Variants in FBXL5 observed in about 807,000 individuals in gnomAD.
FBXL5 encodes F-box and leucine rich repeat protein 5.
In FBXL5, 26 loss-of-function variants were observed where a neutral mutation model predicts 78.3. The ratio of observed to expected loss-of-function variants is 0.33; its 90% CI spans 0.24 to 0.46. FBXL5 has a LOEUF of 0.46. Among genes scored for constraint, FBXL5 ranks in the 20% least tolerant of loss-of-function variants. The pLI, the probability that FBXL5 is intolerant of heterozygous loss-of-function variation, is 1.00. For synonymous variants in FBXL5, 295 were observed against 282.5 expected (o/e 1.04, Z -0.45); for missense variants, 710 against 829.2 (o/e 0.86, Z 1.77).
intron 5 of FBXL5, among the ~76,000 whole-genome samples, chr4:15,635,359 T>A (rs1482529045): frequency 6.6e-6 from 1 of 151,978 alleles, no homozygotes; most frequent in African/African-American, 2.4e-5. Context: ...TATACATTAT[T>A]ATAATGAATA....
At chr4:15,671,438 G>A (rs1479800516) in intron 1 of FBXL5, among the ~76,000 whole-genome samples, 1 of 151,488 alleles carries the variant, frequency 6.6e-6, no homozygotes, top group South Asian at 2.1e-4. Flanking sequence ...GGTGTACTCT[G>A]GTTTGGGTTT....
At chr4:15,607,271 T>C (rs932395321) in intron 10 of FBXL5, among the ~76,000 whole-genome samples, 1 of 152,204 alleles carries the variant, frequency 6.6e-6, no homozygotes, top group African/African-American at 2.4e-5. Flanking sequence ...TATTATTCGA[T>C]GTTAAATTTT....
At chr4:15,664,396 A>T (rs959577289), upstream of FBXL5, among the ~76,000 whole-genome samples, 6 of 152,010 alleles carry the variant, frequency 3.9e-5, no homozygotes, top group African/African-American at 1.5e-4. Context: ...GTTAAATCAT[A>T]TTGGCACACT....
chr4:15,664,439 T>C (rs546079975), upstream of FBXL5, among the ~76,000 whole-genome samples: 18 of 152,236 alleles, frequency 1.2e-4, no homozygotes, highest in Non-Finnish European at 2.4e-4. Context: ...GGCACTCTTA[T>C]GTGTCATCTG....
intron 5 of FBXL5, among the ~76,000 whole-genome samples, chr4:15,632,075 C>G (rs902400351): frequency 6.6e-6 from 1 of 152,156 alleles, no homozygotes; most frequent in Non-Finnish European, 1.5e-5. Flanking sequence ...TTTAATCCAT[C>G]TTGAATTAAT....
chr4:15,614,531 C>T (rs1711572596), intron 9 of FBXL5, among the ~76,000 whole-genome samples: 1 of 152,098 alleles, frequency 6.6e-6, no homozygotes, highest in African/African-American at 2.4e-5. Flanking sequence ...CCATAGAGCT[C>T]CCAAGAGATT....
At chr4:15,617,159 T>C (rs1472250753) in intron 9 of FBXL5, among the ~76,000 whole-genome samples, 1 of 152,186 alleles carries the variant, frequency 6.6e-6, no homozygotes, top group Non-Finnish European at 1.5e-5. Flanking sequence ...TAAAGACATA[T>C]GCATGCCTAT....
intron 3 of FBXL5, among the ~76,000 whole-genome samples, chr4:15,639,158 C>G (rs1454812995): frequency 6.6e-6 from 1 of 152,206 alleles, no homozygotes; most frequent in Non-Finnish European, 1.5e-5. Context: ...GAGCGAAACT[C>G]TGTCTCCAGA....
At chr4:15,607,484 C>T (rs1294950231) in intron 10 of FBXL5, among the ~76,000 whole-genome samples, 1 of 152,056 alleles carries the variant, frequency 6.6e-6, no homozygotes, top group Non-Finnish European at 1.5e-5. Context: ...ATCACAAACT[C>T]AAGATAAAAT....
chr4:15,620,426 C>A (rs1712363722), intron 9 of FBXL5, among the ~76,000 whole-genome samples: 1 of 152,118 alleles, frequency 6.6e-6, no homozygotes, highest in Non-Finnish European at 1.5e-5. Context: ...ATAGAAAAAA[C>A]CGACCCTAAA....
In FBXL5 at chr4:15,638,696, T is replaced by TCCTCTTCCTCTTTCATGTG. The variant is rs769842281; in HGVS notation, c.397-3_397-2insCACATGAAAGAGGAAGAGG. Reference sequence around the variant, plus strand: ...TTCCATTAACATGGGCTGAAAAACCTAAATTAAACAAAATATTCACGAGGA... The same window carrying TCCTCTTCCTCTTTCATGTG: ...TTCCATTAACATGGGCTGAAAAACCTCCTCTTCCTCTTTCATGTGAAATTAAACAAAATATTCACGAGGA... On this transcript the variant is annotated splice_region_variant and splice_polypyrimidine_tract_variant and intron_variant, in intron 3 of 10. Coordinates refer to ENST00000341285, the MANE Select transcript of FBXL5 (RefSeq NM_012161.4). 3 of 1,566,850 alleles carry TCCTCTTCCTCTTTCATGTG rather than the reference T, an allele frequency of 1.9e-6. No individual in the cohort carries two copies. In the African/African-American group the frequency reaches 4.1e-5, roughly 21 times the overall value.
chr4:15,614,153 C>T (rs996681574), intron 9 of FBXL5, among the ~76,000 whole-genome samples: 1 of 152,214 alleles, frequency 6.6e-6, no homozygotes, highest in Non-Finnish European at 1.5e-5. Context: ...ATGCTCTCCC[C>T]ACTTCCCCTA....
At chr4:15,648,109 A>G (rs1402404797) in intron 1 of FBXL5, among the ~76,000 whole-genome samples, 1 of 152,182 alleles carries the variant, frequency 6.6e-6, no homozygotes, top group East Asian at 1.9e-4. Context: ...CTCCTGACTC[A>G]GCATCCTGAG....
At chr4:15,676,296 A>T (rs943919513) in intron 1 of FBXL5, among the ~76,000 whole-genome samples, 2 of 152,210 alleles carry the variant, frequency 1.3e-5, no homozygotes. Context: ...GAACCTAATC[A>T]AGCATCTAAA....
intron 2 of FBXL5, among the ~76,000 whole-genome samples, chr4:15,643,443 G>A (rs137904064): frequency 1.2e-4 from 18 of 152,318 alleles, no homozygotes; most frequent in Non-Finnish European, 2.2e-4. Context: ...TAAGAAGAAA[G>A]TCTCTCTACA....
At chr4:15,655,800 C>T (rs1158262238), upstream of FBXL5, among the ~76,000 whole-genome samples, 2 of 152,178 alleles carry the variant, frequency 1.3e-5, no homozygotes, top group African/African-American at 4.8e-5. Flanking sequence ...TCCGGAGCTG[C>T]CCTTCGCCTC....
chr4:15,608,715 T>C (rs1722045234), intron 10 of FBXL5, among the ~76,000 whole-genome samples: 1 of 152,016 alleles, frequency 6.6e-6, no homozygotes, highest in South Asian at 2.1e-4. Context: ...AGAATCTGTT[T>C]AAAGAAGGCT....
chr4:15,607,566 A>G lies in FBXL5; in HGVS notation c.2000-1767T>C, dbSNP rs150882584. On this transcript the variant is annotated intron_variant, in intron 10 of 10. Coordinates refer to ENST00000341285, the MANE Select transcript of FBXL5 (RefSeq NM_012161.4). ...CCCTATGATCTGAAATTCTTCTCCC[A>G]CTGCCAATCTTTAACCAAGTTTTTC... is the stretch of plus-strand genomic sequence containing the variant. Among the ~76,000 whole-genome samples, 78 of 152,294 alleles carry G rather than the reference A, an allele frequency of 5.1e-4. No homozygotes were observed. The East Asian group carries it at 0.01, about 20-fold the overall frequency.
upstream of FBXL5, among the ~76,000 whole-genome samples, chr4:15,660,580 C>G (rs180932670): frequency 3.4e-4 from 52 of 152,212 alleles, no homozygotes; most frequent in African/African-American, 1.2e-3. Context: ...CACTACCTAC[C>G]TACCCACAAG....
Sources: gnomAD v4.1 joint callset for allele counts (sites outside exome capture counted in the v4.1 genomes callset) on GRCh38, gnomAD v4.1.1 for gene constraint, MANE v1.5 for transcripts, NCBI Gene and HGNC (gene_info 2026-07-23, HGNC 2026-07-21) for gene names.